Variants in GAREM1 observed in about 807,000 individuals in gnomAD.
The protein encoded by GAREM1 is GRB2 associated regulator of MAPK1 subtype 1.
A neutral mutation model predicts 71.3 loss-of-function variants in GAREM1; 26 were observed. The observed-to-expected ratio is 0.36, with a 90% CI of 0.27 to 0.51. GAREM1 has a LOEUF of 0.51. Among genes scored for constraint, GAREM1 ranks in the 20% least tolerant of loss-of-function variants. The probability of loss-of-function intolerance (pLI) is 0.95; values close to 1 mark genes in which losing one functional copy is unlikely to be tolerated. For missense variants in GAREM1, 1,026 were observed against 1,103.1 expected (o/e 0.93, Z 0.99); for synonymous variants, 440 against 433.2 (o/e 1.02, Z -0.20).
chr18:32,425,693 A>G (rs996255578), intron 1 of GAREM1, among the ~76,000 whole-genome samples: 3 of 152,242 alleles, frequency 2.0e-5, no homozygotes, highest in Non-Finnish European at 1.5e-5. Context: ...CTAAGAACAC[A>G]GCCAAACAAA....
intron 2 of GAREM1, among the ~76,000 whole-genome samples, chr18:32,385,444 C>G (rs1000062618): frequency 1.8e-4 from 27 of 152,024 alleles, no homozygotes; most frequent in African/African-American, 6.0e-4. Context: ...CTGATCACCC[C>G]CCTAGGCCCA....
chr18:32,287,965 A>G lies in GAREM1; in HGVS notation c.632T>C (p.Leu211Pro). Residue 211 changes from leucine to proline, a missense_variant, in exon 4 of 6, where the codon CTT becomes CCT. Physicochemically the swap from Leu to Pro is moderately conservative, Grantham distance 98. This residue lies in a region of GAREM1 where 218 missense variants were observed against 296.8 expected (regional missense o/e 0.73). Transcript: ENST00000269209. This position sits in a 1 kb window ranked among gnomAD's most constrained non-coding sequence, Gnocchi z 5.9. ...MNHRTNESIS[L>P]PFQCKGRFST... The stretch of plus-strand genomic sequence containing the variant: ...AAATCTGCCCTTGCACTGGAATGGA[A>G]GGCTAATGCTTTCGTTGGTCCGGTG... The G allele has an allele frequency of 6.2e-7, 1 of 1,614,068 alleles. No individual in the cohort carries two copies. Among genetic ancestry groups the G allele is most frequent in the South Asian group, 1.1e-5 (1 of 91,066 alleles).
chr18:32,393,109 A>G, intron 1 of GAREM1, 74 bp from the exon 2 acceptor site: 1 of 1,477,680 alleles, frequency 6.8e-7, no homozygotes. Context: ...ATAAAATTTC[A>G]TTAGTTAAAA....
intron 1 of GAREM1, among the ~76,000 whole-genome samples, chr18:32,435,297 T>C (rs969116133): frequency 6.6e-6 from 1 of 152,004 alleles, no homozygotes. Context: ...ACCATCCAAA[T>C]GAAGTCAACA....
At chr18:32,463,617 C>T (rs1381686746) in intron 1 of GAREM1, among the ~76,000 whole-genome samples, 5 of 148,996 alleles carry the variant, frequency 3.4e-5, no homozygotes, top group South Asian at 4.3e-4. Context: ...TCGCCCAGGC[C>T]GGGGTGCAGT....
chr18:32,455,848 T>C (rs7226852), intron 1 of GAREM1, among the ~76,000 whole-genome samples: 31,428 of 152,046 alleles, frequency 0.21, 3,712 homozygotes, highest in African/African-American at 0.32. Flanking sequence ...AAGGTAGTCC[T>C]GGAAAGAAAG....
At chr18:32,458,715 G>A (rs2048921688) in intron 1 of GAREM1, among the ~76,000 whole-genome samples, 1 of 151,650 alleles carries the variant, frequency 6.6e-6, no homozygotes, top group African/African-American at 2.4e-5. Context: ...TGATATTATT[G>A]GAGCTATTCT....
intron 2 of GAREM1, among the ~76,000 whole-genome samples, chr18:32,333,730 C>T (rs571770704): frequency 1.3e-5 from 2 of 152,332 alleles, no homozygotes; most frequent in African/African-American, 4.8e-5. Flanking sequence ...ACATTAGCTG[C>T]TCTGAATGCT....
chr18:32,400,551 C>G (rs1029442737), intron 1 of GAREM1, among the ~76,000 whole-genome samples: 12 of 152,210 alleles, frequency 7.9e-5, no homozygotes, highest in Non-Finnish European at 1.2e-4. Context: ...GACATTTATG[C>G]AGCCAACAGA....
At chr18:32,386,854 C>G (rs1353005713) in intron 2 of GAREM1, among the ~76,000 whole-genome samples, 3 of 152,042 alleles carry the variant, frequency 2.0e-5, no homozygotes, top group Non-Finnish European at 4.4e-5. Context: ...TACTCACGTG[C>G]CAGCACTGTG....
At chr18:32,294,658 T>G (rs1277525951) in intron 3 of GAREM1, among the ~76,000 whole-genome samples, 1 of 152,208 alleles carries the variant, frequency 6.6e-6, no homozygotes, top group Non-Finnish European at 1.5e-5. Flanking sequence ...TATCAATCCC[T>G]GGACACTGCT....
chr18:32,309,615 CAAAAAAA>C (rs11370938), intron 3 of GAREM1, among the ~76,000 whole-genome samples: 2 of 13,862 alleles, frequency 1.4e-4, no homozygotes, highest in South Asian at 3.8e-3. Flanking sequence ...GACTCAGTCT[CAAAAAAA>C]AAAAAAAAAA....
chr18:32,343,781 G>A (rs1328839060), intron 2 of GAREM1, among the ~76,000 whole-genome samples: 2 of 152,128 alleles, frequency 1.3e-5, no homozygotes, highest in African/African-American at 4.8e-5. Flanking sequence ...ATCTGGCACT[G>A]TCTAGATCCA....
chr18:32,328,033 C>G lies in GAREM1; in HGVS notation c.263-17710G>C, dbSNP rs115480873. On this transcript the variant is annotated intron_variant, in intron 2 of 5. Transcript: ENST00000269209. Reference sequence around the variant, plus strand: ...AGATTCCATAAGAGAATTAAATATACAGGCCAAATTAATTTTTCCTCCCCA... The same window carrying G: ...AGATTCCATAAGAGAATTAAATATAGAGGCCAAATTAATTTTTCCTCCCCA... Among the ~76,000 whole-genome samples, 967 of 152,224 alleles carry G rather than the reference C, an allele frequency of 6.4e-3. 10 individuals carry two copies. The highest frequency in any genetic ancestry group is 0.022 in the African/African-American group (912 of 41,532).
chr18:32,392,947 C>T lies in GAREM1; in HGVS notation c.210G>A (p.Glu70=). Residue 70 remains glutamate, a synonymous_variant, in exon 2 of 6, where the codon GAG becomes GAA. Coordinates refer to ENST00000269209, the MANE Select transcript of GAREM1 (RefSeq NM_001242409.2). ...QWTTITAHSL[E]EGHYVIGPKI... is the part of the protein sequence containing the mutation. The stretch of plus-strand genomic sequence containing the variant: ...TTGGCCCAATGACATAGTGACCCTC[C>T]TCCAAGCTGTGGGCAGTGATGGTGG... The T allele has an allele frequency of 6.2e-7, 1 of 1,613,944 alleles. No homozygotes were observed. The highest frequency in any genetic ancestry group is 1.1e-5 in the South Asian group (1 of 91,072).
chr18:32,464,482 C>T (rs897295037), intron 1 of GAREM1, among the ~76,000 whole-genome samples: 2 of 152,130 alleles, frequency 1.3e-5, no homozygotes, highest in Admixed American at 6.5e-5. Context: ...AACGAGAACC[C>T]ATCTCTTTTT....
chr18:32,370,334 A>G (rs187135224), intron 2 of GAREM1, among the ~76,000 whole-genome samples: 31 of 151,702 alleles, frequency 2.0e-4, no homozygotes, highest in South Asian at 1.0e-3. Flanking sequence ...AGGCTGAGAA[A>G]GGAGAATCAC....
At chr18:32,378,063 CGG>C (rs376670239) in intron 2 of GAREM1, among the ~76,000 whole-genome samples, 9,845 of 128,336 alleles carry the variant, frequency 0.077, 630 homozygotes, top group African/African-American at 0.19. Context: ...TGTGTGCGCG[CGG>C]GCGCTTTGGA....
At chr18:32,372,304 C>A (rs34555461) in intron 2 of GAREM1, among the ~76,000 whole-genome samples, 1 of 152,170 alleles carries the variant, frequency 6.6e-6, no homozygotes, top group African/African-American at 2.4e-5. Context: ...AAACATACAC[C>A]TAAAAGGAAG....
Sources: allele counts gnomAD v4.1 joint callset (sites outside exome capture counted in the v4.1 genomes callset), GRCh38; gene constraint gnomAD v4.1.1; regional missense constraint gnomAD v4.1.1; non-coding constraint Gnocchi (gnomAD v3.1); transcripts MANE v1.5; gene names NCBI Gene and HGNC (gene_info 2026-07-23, HGNC 2026-07-21).